GSE1: variants seen among roughly 807,000 people sequenced by gnomAD.
GSE1 encodes genetic suppressor element 1.
Under a neutral mutation model 112.6 loss-of-function variants are expected in GSE1, and 32 were observed. That is an observed-to-expected ratio of 0.28 (90% CI 0.21 to 0.38). The LOEUF (loss-of-function observed/expected upper bound fraction) is 0.38. GSE1 is among the 10% of genes least tolerant of loss of function. The pLI is 1.00. For missense variants in GSE1, 2,348 were observed against 1,699.2 expected (o/e 1.38, Z -6.71); for synonymous variants, 1,115 against 735.6 (o/e 1.52, Z -8.35).
intron 2 of GSE1, among the ~76,000 whole-genome samples, chr16:85,508,179 A>G (rs1254461172): frequency 1.3e-5 from 2 of 152,136 alleles, no homozygotes; most frequent in South Asian, 2.1e-4. Flanking sequence ...GATTACAGGC[A>G]TGCGTCACCA....
intron 2 of GSE1, among the ~76,000 whole-genome samples, chr16:85,420,260 C>T (rs576003495): frequency 6.6e-6 from 1 of 152,246 alleles, no homozygotes; most frequent in African/African-American, 2.4e-5. Context: ...GGGTTTTGCC[C>T]TGTCGCCCAG....
intron 2 of GSE1, among the ~76,000 whole-genome samples, chr16:85,479,526 G>C (rs2050607796): frequency 6.6e-6 from 1 of 151,950 alleles, no homozygotes; most frequent in Non-Finnish European, 1.5e-5. Flanking sequence ...CTGGTCTCAA[G>C]CTCCTGACTT....
At chr16:85,502,029 C>G (rs2051385653) in intron 2 of GSE1, among the ~76,000 whole-genome samples, 1 of 152,200 alleles carries the variant, frequency 6.6e-6, no homozygotes, top group African/African-American at 2.4e-5. Flanking sequence ...AGAGCTCTCT[C>G]TTGCAGGAAG....
Position 85,306,032 on chromosome 16 carries a change from A to G in GSE1, c.2284-51431A>G, listed in dbSNP as rs561904859. On this transcript the variant is annotated intron_variant, in intron 1 of 2. Coordinates refer to the GSE1 transcript ENST00000637419. Reference sequence around the variant, plus strand: ...CTTGAGCCTGGGAGGTGGAGGTTGCAGTGAGCCTAGATCGTGCCACTGCAC... The same window carrying G: ...CTTGAGCCTGGGAGGTGGAGGTTGCGGTGAGCCTAGATCGTGCCACTGCAC... 3.3e-5 allele frequency among the ~76,000 whole-genome samples: 5 copies of G among 152,246 alleles called. No individual in the cohort carries two copies. The East Asian group carries it at 7.8e-4, about 24-fold the overall frequency.
At chr16:85,571,795 C>T (rs1042091554) in intron 1 of GSE1, among the ~76,000 whole-genome samples, 10 of 152,072 alleles carry the variant, frequency 6.6e-5, no homozygotes, top group East Asian at 1.9e-4. Context: ...GGGTCCCTGT[C>T]GGTGGCCAGG....
At chr16:85,460,875 G>A (rs1465335419) in intron 2 of GSE1, among the ~76,000 whole-genome samples, 2 of 152,272 alleles carry the variant, frequency 1.3e-5, no homozygotes, top group Non-Finnish European at 2.9e-5. Flanking sequence ...GACCGTGAGA[G>A]TGGGCTGCAA....
exon 1 of GSE1, chr16:85,170,770 G>A (rs906884592): frequency 1.6e-4 from 160 of 985,424 alleles, no homozygotes; most frequent in Non-Finnish European, 1.9e-4. Flanking sequence ...CATCAGCGAG[G>A]GCGGCAGTAC....
intron 1 of GSE1, among the ~76,000 whole-genome samples, chr16:85,228,718 C>T (rs2075532078): frequency 1.3e-5 from 2 of 152,116 alleles, no homozygotes; most frequent in Admixed American, 6.5e-5. Context: ...GCAGATCTGC[C>T]GTGGCTGGGT....
At chr16:85,279,277 C>A (rs11643717) in intron 1 of GSE1, among the ~76,000 whole-genome samples, 21,032 of 152,248 alleles carry the variant, frequency 0.14, 1,940 homozygotes, top group East Asian at 0.3. Context: ...TCCTGAAATA[C>A]CTTCTACCAT....
intron 2 of GSE1, among the ~76,000 whole-genome samples, chr16:85,431,789 G>A (rs1273879925): frequency 6.6e-6 from 1 of 152,322 alleles, no homozygotes; most frequent in Admixed American, 6.5e-5. Flanking sequence ...AGCCACCCAC[G>A]CACCCTCTCC....
chr16:85,215,555 TAAAC>T (rs1311958191), intron 1 of GSE1, among the ~76,000 whole-genome samples: 1 of 152,168 alleles, frequency 6.6e-6, no homozygotes, highest in Non-Finnish European at 1.5e-5. Flanking sequence ...GCAATTGAAA[TAAAC>T]ATTTTAAAAA....
chr16:85,507,775 G>GC (rs1484137771), intron 2 of GSE1, among the ~76,000 whole-genome samples: 1 of 152,186 alleles, frequency 6.6e-6, no homozygotes, highest in African/African-American at 2.4e-5. Context: ...ACATTCTGAG[G>GC]CCCGGGGGCT....
At chr16:85,431,109 C>G (rs2049110626) in intron 2 of GSE1, among the ~76,000 whole-genome samples, 1 of 152,210 alleles carries the variant, frequency 6.6e-6, no homozygotes, top group Non-Finnish European at 1.5e-5. Context: ...GATTCAAGCC[C>G]TCCTGAGCTT....
At chr16:85,350,682 T>C (rs1358151053) in intron 1 of GSE1, among the ~76,000 whole-genome samples, 1 of 152,238 alleles carries the variant, frequency 6.6e-6, no homozygotes, top group Non-Finnish European at 1.5e-5. Context: ...TGGGATCAGC[T>C]AGTTTGTTGA....
At chr16:85,652,111 C>T (rs1012199397) in intron 3 of GSE1, among the ~76,000 whole-genome samples, 6 of 152,226 alleles carry the variant, frequency 3.9e-5, no homozygotes, top group East Asian at 1.9e-4. Flanking sequence ...CCTGCTGGTG[C>T]GTCCCCCACA....
intron 1 of GSE1, among the ~76,000 whole-genome samples, chr16:85,192,595 G>T (rs1182926088): frequency 6.6e-6 from 1 of 152,094 alleles, no homozygotes; most frequent in Non-Finnish European, 1.5e-5. Flanking sequence ...CTCCATCCTG[G>T]GCCTGTCCCC....
intron 1 of GSE1, among the ~76,000 whole-genome samples, chr16:85,263,732 C>T (rs1050102333): frequency 1.4e-4 from 21 of 152,016 alleles, no homozygotes; most frequent in East Asian, 3.9e-4. Context: ...GACACCACAC[C>T]CAGCTAATTT....
Position 85,383,117 on chromosome 16 carries a change from C to A in GSE1, c.2464+25474C>A, listed in dbSNP as rs189689192. Among the ~76,000 whole-genome samples, 63 of 152,106 alleles carry A rather than the reference C, an allele frequency of 4.1e-4. 1 individual carries two copies. The highest frequency in any genetic ancestry group is 1.4e-3 in the African/African-American group (60 of 41,412). On this transcript the variant is annotated intron_variant, in intron 2 of 2. Coordinates refer to the GSE1 transcript ENST00000637419. The stretch of plus-strand genomic sequence containing the variant: ...ACAAGCATGCCTGTGCACCCACACA[C>A]AGCTCTTGACACAAACACCATAACA...
intron 1 of GSE1, among the ~76,000 whole-genome samples, chr16:85,308,350 G>A (rs1242177039): frequency 1.3e-5 from 2 of 152,184 alleles, no homozygotes; most frequent in African/African-American, 4.8e-5. Context: ...GACAGCCAGG[G>A]CAGAGAACGC....
Sources: gnomAD v4.1 joint callset for allele counts (sites outside exome capture counted in the v4.1 genomes callset) on GRCh38, gnomAD v4.1.1 for gene constraint, MANE v1.5 for transcripts, NCBI Gene and HGNC (gene_info 2026-07-23, HGNC 2026-07-21) for gene names.